The following ZNF114 variants were observed in gnomAD, a reference collection of about 807,000 sequenced individuals.
The protein encoded by ZNF114 is zinc finger protein 114 (Y18).
Under a neutral mutation model 6.8 loss-of-function variants are expected in ZNF114, and 8 were observed. The observed-to-expected ratio is 1.18, with a 90% CI of 0.69 to 2.13. The LOEUF (loss-of-function observed/expected upper bound fraction) is 2.13, where lower values mean the gene tolerates loss of function less well. ZNF114 is among the 30% of genes most tolerant of loss of function. ZNF114 has a pLI of 0.00. For missense variants in ZNF114, 472 were observed against 519.5 expected, an observed-to-expected ratio of 0.91 and a Z score of 0.89; for synonymous variants, 169 against 185.5, an observed-to-expected ratio of 0.91 and a Z score of 0.72.
chr19:48,275,162 AAGAG>A (rs1280700266), intron 3 of ZNF114, among the ~76,000 whole-genome samples: 1 of 146,006 alleles, frequency 6.8e-6, no homozygotes, highest in African/African-American at 2.5e-5. Context: ...GAAAGAGAGA[AAGAG>A]AGAGAGGAAG....
intron 3 of ZNF114, among the ~76,000 whole-genome samples, chr19:48,277,666 G>A (rs1967871258): frequency 6.6e-6 from 1 of 152,198 alleles, no homozygotes; most frequent in Admixed American, 6.5e-5. Flanking sequence ...CCTGCCATCT[G>A]GCACCGCAAG....
Position 48,276,240 on chromosome 19 carries a change from C to T in ZNF114, c.-69-3491C>T, listed in dbSNP as rs1204644786. Among the ~76,000 whole-genome samples, 7 of 151,494 alleles carry T rather than the reference C, an allele frequency of 4.6e-5. 1 individual carries two copies. Among genetic ancestry groups the T allele is most frequent in the Non-Finnish European group, 2.9e-5 (2 of 67,908 alleles). ...GATTACAGGCGTGTGCCACCACACC[C>T]GGCTAATTTTGTATTTTTAGTAGAG... On this transcript the variant is annotated intron_variant, in intron 3 of 5. Transcript: ENST00000595607.
At chr19:48,271,618 C>G (rs1051915466) in intron 2 of ZNF114, 109 bp from the exon 3 acceptor site, 1 of 152,310 alleles carries the variant, frequency 6.6e-6, no homozygotes, top group African/African-American at 2.4e-5. Context: ...TCCCTTACAC[C>G]GTCCATTTTG....
chr19:48,287,017 A>G lies in ZNF114; in HGVS notation c.*139A>G, dbSNP rs1968151118. 1 of 911,600 alleles carries G rather than the reference A, an allele frequency of 1.1e-6. No individual in the cohort carries two copies. The allele number at this position is 911,600 out of a possible 1,614,324, so 56.5% of individuals were successfully genotyped here. ...TCGTATCTTACAGAAATGTGAAAAA[A>G]AACCCTGTGAAGGTAAAGTCTACAG... On this transcript the variant is annotated 3_prime_UTR_variant, in exon 6 of 6. Transcript: ENST00000595607.
intron 5 of ZNF114, among the ~76,000 whole-genome samples, chr19:48,284,351 G>A (rs563134257): frequency 6.6e-6 from 1 of 152,100 alleles, no homozygotes; most frequent in Admixed American, 6.6e-5. Flanking sequence ...GATTACTTGA[G>A]GCCAGGAAGT....
chr19:48,274,029 T>C (rs918416748), intron 3 of ZNF114, among the ~76,000 whole-genome samples: 12 of 151,564 alleles, frequency 7.9e-5, no homozygotes, highest in Non-Finnish European at 1.5e-4. Flanking sequence ...GGTGCTGGGA[T>C]TACAGGCGTG....
Position 48,279,781 on chromosome 19 carries a change from C to A in ZNF114, c.-19C>A. The A allele has an allele frequency of 6.2e-7, 1 of 1,613,964 alleles. No individual in the cohort carries two copies. The highest frequency in any genetic ancestry group is 8.5e-7 in the Non-Finnish European group (1 of 1,179,926). On this transcript the variant is annotated 5_prime_UTR_variant, in exon 4 of 6. Transcript: ENST00000595607. ...GAAACACGGGGAAGCCAGGACTGGC[C>A]GTCACGTTGGTGACAAATATGTCCC...
In ZNF114 at chr19:48,272,673, C is replaced by CAAAAAAAAAAAAAAAAAAAAAAA. The variant is rs57823987; in HGVS notation, c.-70+848_-70+870dup. On this transcript the variant is annotated intron_variant, in intron 3 of 5. Transcript: ENST00000595607. ...TGGGCGACAGAGCAAGACTCTCTCTCAAAAAAAAAAAAAAAAAAAAAAAAA... is the reference window on the plus strand; with the variant it reads ...TGGGCGACAGAGCAAGACTCTCTCTCAAAAAAAAAAAAAAAAAAAAAAAAAAAAAAAAAAAAAAAAAAAAAAAA... Among the ~76,000 whole-genome samples the CAAAAAAAAAAAAAAAAAAAAAAA allele has an allele frequency of 3.8e-4, 15 of 39,230 alleles. 1 individual carries two copies. Among genetic ancestry groups the CAAAAAAAAAAAAAAAAAAAAAAA allele is most frequent in the South Asian group, 1.4e-3 (1 of 692 alleles). 25.7% of individuals were successfully genotyped at this position (39,230 alleles called of 152,430 possible).
At chr19:48,285,206 T>G (rs1346729400) in intron 5 of ZNF114, among the ~76,000 whole-genome samples, 1 of 152,082 alleles carries the variant, frequency 6.6e-6, no homozygotes, top group African/African-American at 2.4e-5. Flanking sequence ...TAGAAAGAAA[T>G]CCACACAGAG....
At chr19:48,282,184 C>T in intron 4 of ZNF114, 187 bp from the exon 5 acceptor site, 1 of 643,756 alleles carries the variant, frequency 1.6e-6, no homozygotes, top group Non-Finnish European at 2.4e-6. Flanking sequence ...AGGTGTGAGC[C>T]ACCGCGCCCG....
intron 3 of ZNF114, among the ~76,000 whole-genome samples, chr19:48,276,074 CTTTTTTTTTT>C (rs34454372): frequency 1.4e-5 from 1 of 73,418 alleles, no homozygotes; most frequent in Non-Finnish European, 2.6e-5. Flanking sequence ...CCTCTTACCT[CTTTTTTTTTT>C]TTTTTTTTTT....
rs567101011 is a variant in ZNF114, at chr19:48,287,212, C to G, written c.*334C>G. ...ACGGAAATAAAAAATGTAGGAAAGACCTGCCGGCCGCGGTGGCTCATGCCT... is the reference window on the plus strand; with the variant it reads ...ACGGAAATAAAAAATGTAGGAAAGAGCTGCCGGCCGCGGTGGCTCATGCCT... On this transcript the variant is annotated 3_prime_UTR_variant, in exon 6 of 6. Transcript: ENST00000595607. The G allele has an allele frequency of 4.4e-4, 73 of 167,712 alleles. No homozygotes were observed. The highest frequency in any genetic ancestry group is 1.2e-3 in the Admixed American group (20 of 16,732). The allele number at this position is 167,712 out of a possible 1,614,324, so 10.4% of individuals were successfully genotyped here. A position where few individuals can be genotyped will look rare whatever the true frequency, so the allele number is the denominator to read the frequency against.
intron 3 of ZNF114, among the ~76,000 whole-genome samples, chr19:48,278,093 G>C (rs547759644): frequency 3.3e-5 from 5 of 151,822 alleles, no homozygotes; most frequent in Non-Finnish European, 7.4e-5. Flanking sequence ...GCGCCACCAC[G>C]CCCGGTTAAT....
chr19:48,282,298 T>C (rs1234000077), intron 4 of ZNF114, 73 bp from the exon 5 acceptor site: 3 of 1,589,160 alleles, frequency 1.9e-6, no homozygotes, highest in Non-Finnish European at 2.6e-6. Context: ...TACCTTTTTC[T>C]GTGGAGAAAG....
chr19:48,281,498 CTTCTTTTTTTTTT>C (rs1967989248), intron 4 of ZNF114: 1 of 122,880 alleles, frequency 8.1e-6, no homozygotes, highest in Non-Finnish European at 1.8e-5. Context: ...CACATTTCCC[CTTCTTTTTTTTTT>C]TTTTTTTTTA....
chr19:48,281,075 C>T (rs1369951203), intron 4 of ZNF114, among the ~76,000 whole-genome samples: 2 of 152,036 alleles, frequency 1.3e-5, no homozygotes, highest in African/African-American at 2.4e-5. Flanking sequence ...CCCAGCAGTT[C>T]GAAGCTGCCG....
chr19:48,280,618 T>C (rs1457729926), intron 4 of ZNF114, among the ~76,000 whole-genome samples: 1 of 149,858 alleles, frequency 6.7e-6, no homozygotes, highest in African/African-American at 2.5e-5. Flanking sequence ...AATGGCATGA[T>C]CTCGGCTCAC....
At chr19:48,278,295 G>A (rs753253466) in intron 3 of ZNF114, among the ~76,000 whole-genome samples, 63 of 152,200 alleles carry the variant, frequency 4.1e-4, no homozygotes, top group Non-Finnish European at 6.3e-4. Context: ...AGACGTGTAC[G>A]TCCCTCAAAT....
chr19:48,272,207 T>G (rs2147279152), intron 3 of ZNF114, among the ~76,000 whole-genome samples: 1 of 152,130 alleles, frequency 6.6e-6, no homozygotes, highest in East Asian at 1.9e-4. Flanking sequence ...GGTCAGGAGT[T>G]CGAGACCAGC....
Sources: gnomAD v4.1 joint callset for allele counts (sites outside exome capture counted in the v4.1 genomes callset) on GRCh38, gnomAD v4.1.1 for gene constraint, MANE v1.5 for transcripts, NCBI Gene and HGNC (gene_info 2026-07-23, HGNC 2026-07-21) for gene names.